AUH: variants seen among roughly 807,000 people sequenced by gnomAD.
The protein encoded by AUH is methylglutaconyl-CoA hydratase, mitochondrial.
A neutral mutation model predicts 42.3 loss-of-function variants in AUH; 29 were observed. That is an observed-to-expected ratio of 0.69 (90% confidence interval 0.51 to 0.93). The LOEUF is 0.93. Among genes scored for constraint, AUH ranks in the 40% least tolerant of loss-of-function variants. The pLI is 0.00. For synonymous variants in AUH, 174 were observed against 166.4 expected, an observed-to-expected ratio of 1.05 and a Z score of -0.35; for missense variants, 452 against 438.1, an observed-to-expected ratio of 1.03 and a Z score of -0.28.
At chr9:91,255,429 C>T (rs187615322) in intron 6 of AUH, among the ~76,000 whole-genome samples, 2 of 152,284 alleles carry the variant, frequency 1.3e-5, no homozygotes, top group Non-Finnish European at 2.9e-5. Context: ...CTACTGTTTA[C>T]GTGCTTTTGC....
intron 6 of AUH, among the ~76,000 whole-genome samples, chr9:91,236,102 C>G (rs980705033): frequency 6.6e-6 from 1 of 152,182 alleles, no homozygotes; most frequent in African/African-American, 2.4e-5. Context: ...GAGATTTGAA[C>G]ATGCATTTCA....
At chr9:91,282,485 C>T (rs1826048436) in intron 6 of AUH, among the ~76,000 whole-genome samples, 2 of 152,102 alleles carry the variant, frequency 1.3e-5, no homozygotes, top group Admixed American at 1.3e-4. Context: ...CACATCAGCA[C>T]ATGACTCAAC....
At chr9:91,284,626 C>A (rs1284481091) in intron 6 of AUH, among the ~76,000 whole-genome samples, 1 of 152,002 alleles carries the variant, frequency 6.6e-6, no homozygotes, top group Non-Finnish European at 1.5e-5. Flanking sequence ...AGAAAAAAAA[C>A]AAACAACCTC....
At chr9:91,288,045 C>G (rs1166610517) in intron 6 of AUH, among the ~76,000 whole-genome samples, 2 of 151,942 alleles carry the variant, frequency 1.3e-5, no homozygotes, top group Non-Finnish European at 2.9e-5. Context: ...TATGCCTCCC[C>G]CCAGAAGCTG....
At chr9:91,282,595 C>G (rs1489634010) in intron 6 of AUH, among the ~76,000 whole-genome samples, 2 of 152,146 alleles carry the variant, frequency 1.3e-5, no homozygotes, top group East Asian at 3.8e-4. Context: ...GCCAGGGACC[C>G]ACCTTGCAGG....
At chr9:91,229,579 G>A (rs951577851) in intron 6 of AUH, among the ~76,000 whole-genome samples, 2 of 151,046 alleles carry the variant, frequency 1.3e-5, no homozygotes, top group Non-Finnish European at 3.0e-5. Context: ...TGTTATGTGT[G>A]AATTTGATCC....
chr9:91,336,026 G>A (rs193289429), intron 3 of AUH, among the ~76,000 whole-genome samples: 1 of 152,278 alleles, frequency 6.6e-6, no homozygotes, highest in African/African-American at 2.4e-5. Flanking sequence ...ACCAGGAAAA[G>A]TAACCAACAC....
chr9:91,223,363 T>C (rs745980540), intron 6 of AUH, among the ~76,000 whole-genome samples: 3 of 152,224 alleles, frequency 2.0e-5, no homozygotes, highest in Non-Finnish European at 4.4e-5. Context: ...TAGCGTAATG[T>C]CCTCAAGATT....
intron 6 of AUH, among the ~76,000 whole-genome samples, chr9:91,261,064 G>C (rs953818080): frequency 6.6e-6 from 1 of 152,060 alleles, no homozygotes; most frequent in Non-Finnish European, 1.5e-5. Context: ...TATAAACGTA[G>C]TCGTGGCTTT....
Position 91,357,486 on chromosome 9 carries a change from T to C in AUH, c.263-1331A>G, listed in dbSNP as rs1832506409. Reference sequence around the variant, plus strand: ...ATTCAAACATACTGAGTACGTACTATAGTGATCAGCAGCCATGGAACTAGA... The same window carrying C: ...ATTCAAACATACTGAGTACGTACTACAGTGATCAGCAGCCATGGAACTAGA... On this transcript the variant is annotated intron_variant, in intron 1 of 9. Transcript: ENST00000375731. 8 of 966,464 alleles carry C rather than the reference T, an allele frequency of 8.3e-6. No individual in the cohort carries two copies. The South Asian group carries it at 1.4e-4, about 17-fold the overall frequency. The allele number at this position is 966,464 out of a possible 1,614,324, so 59.9% of individuals were successfully genotyped here. A position where few individuals can be genotyped will look rare whatever the true frequency, so the allele number is the denominator to read the frequency against.
intron 4 of AUH, among the ~76,000 whole-genome samples, chr9:91,322,270 C>T (rs933749056): frequency 1.3e-5 from 2 of 152,172 alleles, no homozygotes; most frequent in African/African-American, 4.8e-5. Context: ...CTGGAACAAA[C>T]ATCAAGGTAA....
At chr9:91,229,898 G>A (rs1163193041) in intron 6 of AUH, among the ~76,000 whole-genome samples, 1 of 152,012 alleles carries the variant, frequency 6.6e-6, no homozygotes, top group Non-Finnish European at 1.5e-5. Flanking sequence ...CTCTCTTCTG[G>A]CTTGTAGGGT....
chr9:91,308,529 C>G (rs1247298025), intron 4 of AUH, among the ~76,000 whole-genome samples: 1 of 152,166 alleles, frequency 6.6e-6, no homozygotes, highest in Non-Finnish European at 1.5e-5. Flanking sequence ...AAAACAAAGA[C>G]AGTAAAGTGT....
At chr9:91,323,162 G>GA (rs1829715622) in intron 4 of AUH, among the ~76,000 whole-genome samples, 3 of 152,098 alleles carry the variant, frequency 2.0e-5, no homozygotes, top group Non-Finnish European at 4.4e-5. Flanking sequence ...GAACCAATAT[G>GA]AAAAAATATG....
intron 6 of AUH, among the ~76,000 whole-genome samples, chr9:91,246,437 A>G (rs1828798716): frequency 6.6e-6 from 1 of 152,232 alleles, no homozygotes; most frequent in South Asian, 2.1e-4. Context: ...TTTATTTAAG[A>G]AAGCCTAACT....
intron 6 of AUH, among the ~76,000 whole-genome samples, chr9:91,287,160 C>T (rs1379360715): frequency 6.6e-6 from 1 of 152,096 alleles, no homozygotes; most frequent in Non-Finnish European, 1.5e-5. Flanking sequence ...ACATGAGACA[C>T]AGGGACATCA....
chr9:91,351,792 CTGA>C (rs1214525610), intron 3 of AUH, among the ~76,000 whole-genome samples: 1 of 152,144 alleles, frequency 6.6e-6, no homozygotes, highest in Non-Finnish European at 1.5e-5. Flanking sequence ...CCAAGGTGGC[CTGA>C]TGATCTGAGA....
chr9:91,349,651 G>C (rs765439319), intron 3 of AUH, among the ~76,000 whole-genome samples: 1 of 149,936 alleles, frequency 6.7e-6, no homozygotes, highest in Admixed American at 6.7e-5. Flanking sequence ...ATGTGTGTGT[G>C]GGTGTGTGTA....
chr9:91,356,561 C>G (rs1447803998), intron 1 of AUH, among the ~76,000 whole-genome samples: 2 of 152,060 alleles, frequency 1.3e-5, no homozygotes, highest in Admixed American at 1.3e-4. Context: ...TAATTCTATC[C>G]CAAGCTTCTC....
Sources: gnomAD v4.1 joint callset for allele counts (sites outside exome capture counted in the v4.1 genomes callset) on GRCh38, gnomAD v4.1.1 for gene constraint, MANE v1.5 for transcripts, NCBI Gene and HGNC (gene_info 2026-07-23, HGNC 2026-07-21) for gene names.